Variants in ADGRV1 observed in about 807,000 individuals in gnomAD.
ADGRV1 encodes adhesion G protein-coupled receptor V1, also known as G-protein coupled receptor 98.
In ADGRV1, 359 loss-of-function variants were observed where a neutral mutation model predicts 596.2. The ratio of observed to expected loss-of-function variants is 0.60; its 90% CI spans 0.55 to 0.66. The LOEUF is 0.66. ADGRV1 is among the 30% of genes least tolerant of loss of function. The pLI is 0.00. For synonymous variants in ADGRV1, 2,681 were observed against 2,679.2 expected, an observed-to-expected ratio of 1.00 and a Z score of -0.02; for missense variants, 7,274 against 7,575.6, an observed-to-expected ratio of 0.96 and a Z score of 1.48.
At chr5:90,873,721 G>A (rs748422708) in intron 83 of ADGRV1, among the ~76,000 whole-genome samples, 2 of 151,956 alleles carry the variant, frequency 1.3e-5, no homozygotes, top group Non-Finnish European at 2.9e-5. Context: ...CTTGAGCCCA[G>A]GAGTTGGAGG....
chr5:91,032,226 G>C (rs1432952747), intron 85 of ADGRV1, among the ~76,000 whole-genome samples: 8 of 152,234 alleles, frequency 5.3e-5, no homozygotes, highest in African/African-American at 1.9e-4. Flanking sequence ...GGCCAGTGTG[G>C]CTCCAATAGA....
At chr5:90,766,818 A>G (rs1296252663) in intron 59 of ADGRV1, among the ~76,000 whole-genome samples, 7 of 152,178 alleles carry the variant, frequency 4.6e-5, no homozygotes, top group Non-Finnish European at 1.5e-5. Flanking sequence ...TGGCTGGAGT[A>G]TCAACCAACC....
At chr5:90,891,595 G>T (rs1052257054) in intron 83 of ADGRV1, among the ~76,000 whole-genome samples, 1 of 151,818 alleles carries the variant, frequency 6.6e-6, no homozygotes, top group Non-Finnish European at 1.5e-5. Flanking sequence ...ATTATGGTGT[G>T]ATGATAAAAC....
intron 24 of ADGRV1, among the ~76,000 whole-genome samples, 175 bp from the exon 25 acceptor site, chr5:90,675,905 A>G (rs991647689): frequency 6.6e-6 from 1 of 152,248 alleles, no homozygotes; most frequent in African/African-American, 2.4e-5. Flanking sequence ...TACATTGAAC[A>G]TTATTCATAC....
intron 52 of ADGRV1, among the ~76,000 whole-genome samples, chr5:90,749,988 G>A (rs998052542): frequency 2.6e-4 from 39 of 152,150 alleles, no homozygotes; most frequent in African/African-American, 7.7e-4. Flanking sequence ...AAACATTTCC[G>A]AGGATATGAA....
rs1011632481 is a variant in ADGRV1, at chr5:90,753,600, G to A, written c.11148G>A (p.Leu3716=). The part of the protein sequence containing the change: ...GVILFTEGQV[L]STITLTILAD... ...TTTTATTTACTGAAGGCCAGGTACT[G>A]TCAACAATCACTCTAACTATTCTTG... Residue 3716 remains leucine, a synonymous_variant, in exon 54 of 90, where the codon CTG becomes CTA. Transcript: ENST00000405460. 3.1e-6 allele frequency: 5 copies of A among 1,610,214 alleles called. No individual in the cohort carries two copies. The African/African-American group carries it at 4.0e-5, about 13-fold the overall frequency.
chr5:90,696,127 C>G (rs1397550212), intron 33 of ADGRV1, among the ~76,000 whole-genome samples: 1 of 152,086 alleles, frequency 6.6e-6, no homozygotes. Flanking sequence ...TCTCCTTTCT[C>G]CTTTTCCCTG....
chr5:90,741,973 G>T (rs1754014255), intron 50 of ADGRV1, among the ~76,000 whole-genome samples: 1 of 152,168 alleles, frequency 6.6e-6, no homozygotes, highest in African/African-American at 2.4e-5. Flanking sequence ...TTCTTTAAAT[G>T]GAAGAAGAAG....
rs1047870822 is a variant in ADGRV1, at chr5:90,712,489, G to A, written c.9184+61G>A. 1.1e-5 allele frequency: 13 copies of A among 1,232,320 alleles called. No homozygotes were observed. In the African/African-American group the frequency reaches 1.5e-4, roughly 14 times the overall value. The allele number at this position is 1,232,320 out of a possible 1,614,324, so 76.3% of individuals were successfully genotyped here. A position where few individuals can be genotyped will look rare whatever the true frequency, so the allele number is the denominator to read the frequency against. ...TTCATGCTGGGTTCCTTAATATGGG[G>A]GAAGATGTAAAGGAATGAGAAAGTC... is the stretch of plus-strand genomic sequence containing the variant. On this transcript the variant is annotated intron_variant, in intron 42 of 89. Transcript: ENST00000405460.
chr5:90,820,696 A>C (rs1163952577), intron 75 of ADGRV1, among the ~76,000 whole-genome samples: 1 of 150,424 alleles, frequency 6.6e-6, no homozygotes, highest in African/African-American at 2.4e-5. Context: ...GCTGGATATG[A>C]AATTCTGGGT....
At chr5:90,711,437 T>A in intron 41 of ADGRV1, 115 bp downstream of exon 41, 1 of 747,298 alleles carries the variant, frequency 1.3e-6, no homozygotes, top group Non-Finnish European at 2.0e-6. Flanking sequence ...AAAACCATTG[T>A]ATTTTTCACA....
In ADGRV1 at chr5:90,745,771, C is replaced by T. The variant is rs1383641045; in HGVS notation, c.10950C>T (p.Ala3650=). The change falls in exon 52 of 90, where the codon GCC becomes GCT. Residue 3650 remains alanine, a synonymous_variant. Transcript: ENST00000405460. ...VTITILSNDD[A]YGIVAFAQNS... is the part of the protein sequence containing the mutation. ...TAACCATTCTGTCTAATGATGATGC[C>T]TATGGAATTGTTGCATTTGCTCAGG... 8 of 1,606,802 alleles carry T rather than the reference C, an allele frequency of 5.0e-6. No homozygotes were observed. The highest frequency in any genetic ancestry group is 6.8e-6 in the Non-Finnish European group (8 of 1,174,478).
At position 90,575,918 on chromosome 5, in the gene ADGRV1, G is replaced by C. The variant is rs188703759; in HGVS notation, c.22+17001G>C. Among the ~76,000 whole-genome samples, 14 of 152,208 alleles carry C rather than the reference G, an allele frequency of 9.2e-5. No homozygotes were observed. In the East Asian group the frequency reaches 2.7e-3, roughly 29 times the overall value. On this transcript the variant is annotated intron_variant, in intron 1 of 89. Transcript: ENST00000405460. ...TCCTGGTGTGCCCCTAGGGGTGGCCGAGGTTAGTAAGGCCTCCCCTCACTG... is the reference window on the plus strand; with the variant it reads ...TCCTGGTGTGCCCCTAGGGGTGGCCCAGGTTAGTAAGGCCTCCCCTCACTG...
intron 61 of ADGRV1, 25 bp from the exon 62 acceptor site, chr5:90,777,880 G>T: frequency 1.3e-6 from 2 of 1,578,706 alleles, no homozygotes; most frequent in Middle Eastern, 1.7e-4. Flanking sequence ...AAATGTATTG[G>T]ATATACATTT....
At chr5:90,714,455 A>T (rs897098059) in intron 42 of ADGRV1, among the ~76,000 whole-genome samples, 3 of 151,912 alleles carry the variant, frequency 2.0e-5, no homozygotes, top group African/African-American at 7.2e-5. Flanking sequence ...CTCTTATTAT[A>T]AAAATTTTTT....
rs1755687174 is a variant in ADGRV1 at position 90,755,085 on chromosome 5, A to T, written c.11480A>T (p.Asp3827Val). Residue 3827 changes from aspartate (D) to valine (V), a missense_variant, in exon 55 of 90, where the codon GAT becomes GTT. Physicochemically the swap from Asp to Val is radical, Grantham distance 152 (BLOSUM62 -3). Transcript: ENST00000405460. ...RAQPNFLLHV[D>V]NQATENEDYV... ...CAACCCAATTTCTTACTGCATGTCG[A>T]TAATCAAGCTACTGAGAATGAAGAT... 1.9e-6 allele frequency: 3 copies of T among 1,610,554 alleles called. No individual in the cohort carries two copies. Among genetic ancestry groups the T allele is most frequent in the Non-Finnish European group, 2.5e-6 (3 of 1,176,978 alleles).
intron 85 of ADGRV1, among the ~76,000 whole-genome samples, chr5:91,049,417 A>G (rs1475483140): frequency 6.6e-6 from 1 of 152,168 alleles, no homozygotes. Flanking sequence ...CAGTTAGGAT[A>G]ACAGCAGATT....
chr5:90,897,064 T>C (rs573613022), intron 83 of ADGRV1, among the ~76,000 whole-genome samples: 9 of 152,398 alleles, frequency 5.9e-5, no homozygotes, highest in Admixed American at 5.9e-4. Context: ...CTGAAATAGC[T>C]ATTTCTTATT....
intron 83 of ADGRV1, among the ~76,000 whole-genome samples, chr5:90,896,061 GAT>G (rs770003795): frequency 7.3e-5 from 11 of 151,546 alleles, no homozygotes; most frequent in Non-Finnish European, 1.3e-4. Flanking sequence ...AAGCTAACTG[GAT>G]TTCACTGTAG....
Sources: allele counts gnomAD v4.1 joint callset (sites outside exome capture counted in the v4.1 genomes callset), GRCh38; gene constraint gnomAD v4.1.1; transcripts MANE v1.5; gene names NCBI Gene and HGNC (gene_info 2026-07-23, HGNC 2026-07-21).